EIF3H: variants seen among roughly 807,000 people sequenced by gnomAD.
The protein encoded by EIF3H is eukaryotic translation initiation factor 3 subunit H.
Under a neutral mutation model 44.2 loss-of-function variants are expected in EIF3H, and 26 were observed. That is an observed-to-expected ratio of 0.59 (90% CI 0.43 to 0.82). The LOEUF is 0.82. EIF3H is among the 40% of genes least tolerant of loss of function. The probability of loss-of-function intolerance (pLI) is 0.00; values close to 1 mark genes in which losing one functional copy is unlikely to be tolerated. For missense variants in EIF3H, 359 were observed against 432.8 expected (o/e 0.83, Z 1.51); for synonymous variants, 166 against 151.9 (o/e 1.09, Z -0.68).
At chr8:116,650,543 A>G (rs1169329054) in intron 5 of EIF3H, among the ~76,000 whole-genome samples, 1 of 152,252 alleles carries the variant, frequency 6.6e-6, no homozygotes, top group Non-Finnish European at 1.5e-5. Context: ...TTATATATCC[A>G]TACAGTAGAA....
chr8:116,758,779 G>T (rs770288519), upstream of EIF3H, among the ~76,000 whole-genome samples: 2 of 152,114 alleles, frequency 1.3e-5, no homozygotes, highest in Non-Finnish European at 2.9e-5. Context: ...AGATCAAAGA[G>T]GAAGTCTCCA....
rs1813247305 is a variant in EIF3H, at chr8:116,643,019, TAA to T, written c.*1985_*1986del. The T allele has an allele frequency of 2.0e-5, 3 of 152,352 alleles. No homozygotes were observed. The South Asian group carries it at 6.2e-4, about 32-fold the overall frequency. The allele number at this position is 152,352 out of a possible 1,614,324, so 9.4% of individuals were successfully genotyped here. A position where few individuals can be genotyped will look rare whatever the true frequency, so the allele number is the denominator to read the frequency against. Reference sequence around the variant, plus strand: ...ATTACTCTTAATCCTAAAAAATACATAAGTTATGTTCCAACTGATTTTCCTTG... The same window carrying T: ...ATTACTCTTAATCCTAAAAAATACATGTTATGTTCCAACTGATTTTCCTTG... On this transcript the variant is annotated 3_prime_UTR_variant, in exon 8 of 8. Coordinates refer to ENST00000521861, the MANE Select transcript of EIF3H (RefSeq NM_003756.3).
intron 5 of EIF3H, among the ~76,000 whole-genome samples, chr8:116,650,183 C>T (rs1356547614): frequency 6.6e-6 from 1 of 152,160 alleles, no homozygotes; most frequent in East Asian, 1.9e-4. Context: ...TGCTGCTATG[C>T]AAATAGACTG....
intron 2 of EIF3H, among the ~76,000 whole-genome samples, chr8:116,660,089 C>T (rs754810658): frequency 6.6e-6 from 1 of 152,092 alleles, no homozygotes; most frequent in Non-Finnish European, 1.5e-5. Flanking sequence ...TGGGGTTTCA[C>T]CATGTTGCCC....
rs570244625 is a variant in EIF3H, at chr8:116,643,026, T to C, written c.*1980A>G. 2 of 152,384 alleles carry C rather than the reference T, an allele frequency of 1.3e-5. No individual in the cohort carries two copies. The highest frequency in any genetic ancestry group is 2.1e-4 in the South Asian group (1 of 4,830). The allele number at this position is 152,384 out of a possible 1,614,324, so 9.4% of individuals were successfully genotyped here. On this transcript the variant is annotated 3_prime_UTR_variant, in exon 8 of 8. Coordinates refer to ENST00000521861, the MANE Select transcript of EIF3H (RefSeq NM_003756.3). ...TTAATCCTAAAAAATACATAAGTTATGTTCCAACTGATTTTCCTTGCTTTT... is the reference window on the plus strand; with the variant it reads ...TTAATCCTAAAAAATACATAAGTTACGTTCCAACTGATTTTCCTTGCTTTT...
At chr8:116,727,987 T>G (rs1051369754) in intron 1 of EIF3H, among the ~76,000 whole-genome samples, 1 of 152,196 alleles carries the variant, frequency 6.6e-6, no homozygotes, top group Non-Finnish European at 1.5e-5. Flanking sequence ...TAGCCTCTTA[T>G]GGAAAATTTG....
chr8:116,717,082 T>TTC (rs1814670871), intron 2 of EIF3H, among the ~76,000 whole-genome samples: 1 of 152,128 alleles, frequency 6.6e-6, no homozygotes, highest in Non-Finnish European at 1.5e-5. Context: ...TACAGGACTA[T>TTC]TCTAATATAT....
At chr8:116,731,490 C>T (rs1432528956) in intron 1 of EIF3H, among the ~76,000 whole-genome samples, 6 of 152,182 alleles carry the variant, frequency 3.9e-5, no homozygotes, top group Non-Finnish European at 5.9e-5. Flanking sequence ...CTACAATACA[C>T]TGCTGGTCAA....
intron 2 of EIF3H, among the ~76,000 whole-genome samples, chr8:116,710,848 CT>C (rs1169794069): frequency 6.6e-6 from 1 of 152,146 alleles, no homozygotes; most frequent in Non-Finnish European, 1.5e-5. Flanking sequence ...AAAGTTCCTC[CT>C]GTGATTCTCT....
Position 116,726,121 on chromosome 8 carries a change from C to T in EIF3H, c.184G>A (p.Val62Ile). The T allele has an allele frequency of 6.2e-7, 1 of 1,614,090 alleles. No individual in the cohort carries two copies. The change falls in exon 2 of 8, where the codon GTT becomes ATT. Residue 62 changes from valine (V) to isoleucine (I), a missense_variant. Physicochemically the swap from Val to Ile is conservative, Grantham distance 29. Coordinates refer to ENST00000521861, the MANE Select transcript of EIF3H (RefSeq NM_003756.3). ...AGACCCAAAAGCACTCCTTGAACAA[C>T]TTCAGTTCCTTGTCCTTCTTCTTGA... ...HYQEEGQGTEVVQGVLLGLVV... is the reference protein window; with the variant it reads ...HYQEEGQGTEIVQGVLLGLVV...
At chr8:116,690,003 TC>T (rs1408974085) in intron 2 of EIF3H, among the ~76,000 whole-genome samples, 3 of 152,174 alleles carry the variant, frequency 2.0e-5, no homozygotes, top group African/African-American at 7.2e-5. Context: ...TCTATAATAA[TC>T]CCTATCAGTT....
At chr8:116,648,956 T>C (rs1315377737) in intron 5 of EIF3H, 30 bp from the exon 6 acceptor site, 5 of 1,586,160 alleles carry the variant, frequency 3.2e-6, no homozygotes, top group South Asian at 1.1e-5. Context: ...TACTGACAAG[T>C]CTTACTTTAA....
At chr8:116,750,285 A>G (rs983508825) in intron 1 of EIF3H, among the ~76,000 whole-genome samples, 8 of 152,278 alleles carry the variant, frequency 5.3e-5, no homozygotes, top group African/African-American at 1.9e-4. Context: ...CACATTTTTT[A>G]TTCAATATGT....
chr8:116,671,728 C>T (rs1412187013), intron 2 of EIF3H, among the ~76,000 whole-genome samples: 1 of 152,202 alleles, frequency 6.6e-6, no homozygotes, highest in African/African-American at 2.4e-5. Flanking sequence ...AAATGCTTAA[C>T]GTTTGTTCCC....
At chr8:116,666,753 C>CAAAAAAAAAAAAAAAAAAAAAAAAAAAAA (rs56700266) in intron 2 of EIF3H, among the ~76,000 whole-genome samples, 2 of 71,446 alleles carry the variant, frequency 2.8e-5, no homozygotes, top group African/African-American at 1.4e-4. Flanking sequence ...TAGTGTTAGG[C>CAAAAAAAAAAAAAAAAAAAAAAAAAAAAA]AAAAAAAAAA....
intron 2 of EIF3H, among the ~76,000 whole-genome samples, chr8:116,670,715 C>T (rs1813738792): frequency 6.6e-6 from 1 of 152,166 alleles, no homozygotes; most frequent in Non-Finnish European, 1.5e-5. Context: ...TTTTGATACT[C>T]TCAGGACAAA....
chr8:116,695,922 CAGTTGTAATGAACTGG>C (rs1435896951), intron 2 of EIF3H, among the ~76,000 whole-genome samples: 1 of 152,178 alleles, frequency 6.6e-6, no homozygotes, highest in Non-Finnish European at 1.5e-5. Context: ...AGAATAAACT[CAGTTGTAATGAACTGG>C]AGTTGGAGCT....
At chr8:116,729,988 T>G (rs905651168) in intron 1 of EIF3H, among the ~76,000 whole-genome samples, 3 of 152,232 alleles carry the variant, frequency 2.0e-5, no homozygotes, top group Non-Finnish European at 4.4e-5. Flanking sequence ...AACTTTAATA[T>G]TTATGATCTT....
intron 2 of EIF3H, among the ~76,000 whole-genome samples, chr8:116,722,236 C>T (rs1814759861): frequency 6.6e-6 from 1 of 152,190 alleles, no homozygotes; most frequent in Non-Finnish European, 1.5e-5. Context: ...ACCCCCTTCA[C>T]TTGGTTCTCA....
Sources: gnomAD v4.1 joint callset for allele counts (sites outside exome capture counted in the v4.1 genomes callset) on GRCh38, gnomAD v4.1.1 for gene constraint, MANE v1.5 for transcripts, NCBI Gene and HGNC (gene_info 2026-07-23, HGNC 2026-07-21) for gene names.